LYST: variants seen among roughly 807,000 people sequenced by gnomAD.
LYST encodes lysosomal trafficking regulator.
A neutral mutation model predicts 413.6 loss-of-function variants in LYST; 192 were observed. The observed-to-expected ratio is 0.46, with a 90% confidence interval of 0.41 to 0.52. LYST has a LOEUF of 0.52. Ranked by LOEUF, LYST falls within the 20% of genes least tolerant of loss-of-function variation. LYST has a pLI of 0.00. For missense variants in LYST, 3,815 were observed against 4,499.9 expected (o/e 0.85, Z 4.35); for synonymous variants, 1,525 against 1,567.3 (o/e 0.97, Z 0.64).
At chr1:235,749,816 C>T (rs1224762062) in intron 28 of LYST, among the ~76,000 whole-genome samples, 1 of 152,052 alleles carries the variant, frequency 6.6e-6, no homozygotes, top group Non-Finnish European at 1.5e-5. Context: ...ACGTAGGGCT[C>T]TAAGGCTCAA....
chr1:235,776,617 A>T (rs1669268769), intron 17 of LYST, among the ~76,000 whole-genome samples: 1 of 152,124 alleles, frequency 6.6e-6, no homozygotes, highest in Admixed American at 6.6e-5. Flanking sequence ...TCATTCGAAA[A>T]TGGTACTTAT....
rs1360371690 is a variant in LYST at position 235,662,952 on chromosome 1, A to G, written c.11394T>C (p.Tyr3798=). The G allele has an allele frequency of 6.3e-7, 1 of 1,577,716 alleles. No individual in the cohort carries two copies. Among genetic ancestry groups the G allele is most frequent in the East Asian group, 2.2e-5 (1 of 44,736 alleles). Residue 3798 remains tyrosine, a synonymous_variant, in exon 53 of 53, where the codon TAT becomes TAC. Coordinates refer to ENST00000389793, the MANE Select transcript of LYST (RefSeq NM_000081.4). ...QPMFYSFLSS[Y]AAG Reference sequence around the variant, plus strand: ...AGTTCATTCGCATTCACCCGGCTGCATAGCTGCTAAGGAAGGAATAGAACA... The same window carrying G: ...AGTTCATTCGCATTCACCCGGCTGCGTAGCTGCTAAGGAAGGAATAGAACA...
chr1:235,731,173 C>A lies in LYST; in HGVS notation c.8806G>T (p.Val2936Leu). ...GGATAGTAGATGGGGTCATACCATA[C>A]TGCTCTGCAAGTAAAAAGATTAAAG... The part of the protein sequence containing the change: ...LIQQLTHDRA[V>L]WYDPIYYPTS... The change falls in exon 35 of 53, where the codon GTA becomes TTA. Residue 2936 changes from valine to leucine, a missense_variant. Coordinates refer to ENST00000389793, the MANE Select transcript of LYST (RefSeq NM_000081.4). The A allele has an allele frequency of 6.2e-7, 1 of 1,614,030 alleles. No individual in the cohort carries two copies.
chr1:235,841,372 C>T (rs1677183233), intron 1 of LYST, among the ~76,000 whole-genome samples: 1 of 151,876 alleles, frequency 6.6e-6, no homozygotes, highest in Non-Finnish European at 1.5e-5. Context: ...TATTTTTAGG[C>T]TATAAGAAAT....
chr1:235,744,376 A>G (rs190266074), intron 29 of LYST, among the ~76,000 whole-genome samples: 107 of 152,294 alleles, frequency 7.0e-4, no homozygotes, highest in African/African-American at 2.2e-3. Flanking sequence ...TACAATTCCA[A>G]ATTAAATATT....
chr1:235,729,677 AT>A lies in LYST; in HGVS notation c.9045-21del. The A allele has an allele frequency of 1.9e-6, 3 of 1,548,694 alleles. No individual in the cohort carries two copies. The highest frequency in any genetic ancestry group is 2.7e-6 in the Non-Finnish European group (3 of 1,120,776). On this transcript the variant is annotated intron_variant, in intron 36 of 52. Transcript: ENST00000389793. Reference sequence around the variant, plus strand: ...TTCACTCTGTCAAAACATATTTAAAATTACTATGACTAAATGTTCTGACCAA... The same window carrying A: ...TTCACTCTGTCAAAACATATTTAAAATACTATGACTAAATGTTCTGACCAA...
intron 30 of LYST, among the ~76,000 whole-genome samples, chr1:235,742,173 G>A (rs913990712): frequency 3.9e-5 from 6 of 152,036 alleles, no homozygotes; most frequent in African/African-American, 1.4e-4. Context: ...AAAAAGTTCC[G>A]GCCGGGTGTG....
chr1:235,747,167 C>T (rs2103285612), intron 28 of LYST: 1 of 420,112 alleles, frequency 2.4e-6, no homozygotes, highest in Non-Finnish European at 4.8e-6. Flanking sequence ...ACCATTACTG[C>T]ACCTGCTCCA....
chr1:235,724,287 G>T, intron 38 of LYST, 107 bp from the exon 39 acceptor site: 1 of 904,310 alleles, frequency 1.1e-6, no homozygotes, highest in Non-Finnish European at 1.7e-6. Flanking sequence ...ATCTTTTTGT[G>T]GCAGATGGCA....
In LYST at chr1:235,797,887, A is replaced by C. The variant is rs528301379; in HGVS notation, c.4006+2433T>G. ...CATATCACATATCTGATAAGAAATC[A>C]ATATCCAGAATATATAGAGAACTCT... On this transcript the variant is annotated intron_variant, in intron 10 of 52. Transcript: ENST00000389793. Among the ~76,000 whole-genome samples the C allele has an allele frequency of 2.6e-5, 4 of 152,332 alleles. No homozygotes were observed. The South Asian group carries it at 8.3e-4, about 32-fold the overall frequency.
intron 26 of LYST, 113 bp from the exon 27 acceptor site, chr1:235,752,284 C>T: frequency 1.4e-6 from 1 of 722,754 alleles, no homozygotes. Context: ...CCAGCTTGCA[C>T]TCATTCATGC....
rs761739539 is a variant in LYST, at chr1:235,733,699, AAT to A, written c.8613-10_8613-9del. ...TCCAGACGCTGAAAGAGACTAAACA[AAT>A]AATAAGATTGTCCATAGTTAAGCAT... On this transcript the variant is annotated splice_polypyrimidine_tract_variant and intron_variant, in intron 33 of 52. Transcript: ENST00000389793. The A allele has an allele frequency of 6.2e-7, 1 of 1,607,986 alleles. No homozygotes were observed.
intron 48 of LYST, among the ~76,000 whole-genome samples, chr1:235,685,859 A>C (rs4275443): frequency 0.47 from 63,959 of 136,672 alleles, 14,624 homozygotes; most frequent in Non-Finnish European, 0.52. Context: ...ACAAAACAAA[A>C]AAAAAAAAAC....
chr1:235,796,267 T>C (rs538311551), intron 10 of LYST, among the ~76,000 whole-genome samples: 12 of 152,112 alleles, frequency 7.9e-5, no homozygotes, highest in South Asian at 4.1e-4. Flanking sequence ...AATAGACAAA[T>C]AGGACTTCAT....
At chr1:235,708,200 A>T (rs1662137712) in intron 44 of LYST, among the ~76,000 whole-genome samples, 1 of 152,186 alleles carries the variant, frequency 6.6e-6, no homozygotes, top group Non-Finnish European at 1.5e-5. Flanking sequence ...TATAGATAGA[A>T]GTCTAAAGGT....
At chr1:235,848,643 G>GA (rs753135590) in intron 1 of LYST, among the ~76,000 whole-genome samples, 8 of 152,028 alleles carry the variant, frequency 5.3e-5, no homozygotes, top group Non-Finnish European at 1.0e-4. Flanking sequence ...GATTAACCAA[G>GA]AAAAGAAGAG....
chr1:235,803,102 T>C, intron 7 of LYST, 38 bp from the exon 8 acceptor site: 1 of 1,530,710 alleles, frequency 6.5e-7, no homozygotes, highest in Non-Finnish European at 9.0e-7. Context: ...TAACATTTGC[T>C]TGTTTTTAGT....
At chr1:235,667,542 G>A (rs1002661151) in intron 50 of LYST, among the ~76,000 whole-genome samples, 1 of 152,186 alleles carries the variant, frequency 6.6e-6, no homozygotes, top group Non-Finnish European at 1.5e-5. Context: ...TAATATAGTT[G>A]TCCCTAGGTA....
At chr1:235,746,604 T>C (rs1665952048) in intron 28 of LYST, 77 bp from the exon 29 acceptor site, 2 of 1,100,080 alleles carry the variant, frequency 1.8e-6, no homozygotes, top group Non-Finnish European at 2.7e-6. Context: ...CTGAAATTTT[T>C]TGATTACCAG....
Sources: allele counts gnomAD v4.1 joint callset (sites outside exome capture counted in the v4.1 genomes callset), GRCh38; gene constraint gnomAD v4.1.1; transcripts MANE v1.5; gene names NCBI Gene and HGNC (gene_info 2026-07-23, HGNC 2026-07-21).